The following IFTAP variants were observed in gnomAD, a reference collection of about 807,000 sequenced individuals.
The protein encoded by IFTAP is intraflagellar transport-associated protein.
A neutral mutation model predicts 19.4 loss-of-function variants in IFTAP; 19 were observed. The observed-to-expected ratio is 0.98, with a 90% CI of 0.68 to 1.44. IFTAP has a LOEUF of 1.44. Among genes scored for constraint, IFTAP ranks in the 40% most tolerant of loss-of-function variants. The pLI, the probability that IFTAP is intolerant of heterozygous loss-of-function variation, is 0.00. For missense variants in IFTAP, 240 were observed against 253.6 expected (o/e 0.95, Z 0.36); for synonymous variants, 85 against 83.5 (o/e 1.02, Z -0.10).
chr11:36,622,816 T>C (rs1400612094), intron 2 of IFTAP, among the ~76,000 whole-genome samples: 1 of 152,186 alleles, frequency 6.6e-6, no homozygotes. Context: ...ATGTAAAATA[T>C]TGTCTACAGT....
chr11:36,623,365 CA>C (rs1284911774), intron 2 of IFTAP, among the ~76,000 whole-genome samples: 2 of 151,200 alleles, frequency 1.3e-5, no homozygotes, highest in African/African-American at 4.9e-5. Context: ...CTCCCCCCCC[CA>C]CTCAAAGCAT....
intron 5 of IFTAP, among the ~76,000 whole-genome samples, chr11:36,650,148 G>C (rs1315172357): frequency 6.6e-6 from 1 of 152,138 alleles, no homozygotes; most frequent in African/African-American, 2.4e-5. Context: ...AAAGCACCCA[G>C]TGCTAGTAAA....
chr11:36,622,764 C>A (rs1852351274), intron 2 of IFTAP, among the ~76,000 whole-genome samples: 1 of 152,034 alleles, frequency 6.6e-6, no homozygotes. Context: ...AGAAAAACAT[C>A]AAGGTTAAAT....
At chr11:36,627,178 G>C (rs1253322776) in intron 2 of IFTAP, among the ~76,000 whole-genome samples, 1 of 151,188 alleles carries the variant, frequency 6.6e-6, no homozygotes, top group Non-Finnish European at 1.5e-5. Context: ...GCCTGTGGTT[G>C]GGAGTAGGAA....
chr11:36,651,383 A>G (rs1853719652), intron 5 of IFTAP, among the ~76,000 whole-genome samples: 1 of 152,102 alleles, frequency 6.6e-6, no homozygotes, highest in South Asian at 2.1e-4. Flanking sequence ...CATGTCCTTC[A>G]CCCACTTTTT....
In IFTAP at chr11:36,628,206, C is replaced by T. The variant is rs975269252; in HGVS notation, c.137-5078C>T. ...TGTAGGTCAAGTACAGAGTTTTTGT[C>T]GGGCCCTCCAAATATACCCCGTCCA... is the stretch of plus-strand genomic sequence containing the variant. On this transcript the variant is annotated intron_variant, in intron 2 of 5. Transcript: ENST00000334307. Among the ~76,000 whole-genome samples the T allele has an allele frequency of 1.3e-5, 2 of 150,924 alleles. 1 individual carries two copies. Among genetic ancestry groups the T allele is most frequent in the African/African-American group, 5.0e-5 (2 of 40,308 alleles).
chr11:36,646,840 A>G (rs940497005), intron 4 of IFTAP, among the ~76,000 whole-genome samples: 1 of 152,082 alleles, frequency 6.6e-6, no homozygotes, highest in Non-Finnish European at 1.5e-5. Context: ...GTTGGCTATT[A>G]TTATTGTTTT....
intron 2 of IFTAP, among the ~76,000 whole-genome samples, chr11:36,615,672 C>T (rs1408942350): frequency 2.2e-5 from 3 of 133,812 alleles, no homozygotes; most frequent in African/African-American, 8.8e-5. Context: ...ATTTTATTCT[C>T]TTTGAAGCAA....
intron 1 of IFTAP, among the ~76,000 whole-genome samples, chr11:36,603,461 A>C (rs1163124996): frequency 6.6e-6 from 1 of 152,158 alleles, no homozygotes; most frequent in African/African-American, 2.4e-5. Flanking sequence ...TAAGCTAAAA[A>C]AAATTATAGA....
chr11:36,599,231 T>C (rs1457828761), intron 1 of IFTAP, among the ~76,000 whole-genome samples: 1 of 152,200 alleles, frequency 6.6e-6, no homozygotes, highest in South Asian at 2.1e-4. Flanking sequence ...TGACCTTGGG[T>C]GACCCACCTG....
chr11:36,647,392 A>G (rs556832879), intron 4 of IFTAP, among the ~76,000 whole-genome samples: 1 of 152,248 alleles, frequency 6.6e-6, no homozygotes, highest in South Asian at 2.1e-4. Context: ...ATATCTGCTT[A>G]TAATGGATCA....
intron 2 of IFTAP, among the ~76,000 whole-genome samples, chr11:36,624,392 C>A (rs1020666950): frequency 6.6e-6 from 1 of 152,130 alleles, no homozygotes; most frequent in Non-Finnish European, 1.5e-5. Flanking sequence ...CTGGTATGTG[C>A]AACTTCTGGG....
intron 2 of IFTAP, among the ~76,000 whole-genome samples, chr11:36,628,260 G>A (rs968147353): frequency 2.0e-5 from 3 of 150,894 alleles, no homozygotes; most frequent in Non-Finnish European, 4.4e-5. Context: ...TGGAATAATC[G>A]GCGATTCTTA....
chr11:36,651,580 G>T (rs1192821081), intron 5 of IFTAP, among the ~76,000 whole-genome samples: 1 of 152,064 alleles, frequency 6.6e-6, no homozygotes, highest in South Asian at 2.1e-4. Flanking sequence ...GTCAATTTTG[G>T]CTTTGGTTGC....
rs115390740 is a variant in IFTAP, at chr11:36,622,712, G to A, written c.137-10572G>A. Among the ~76,000 whole-genome samples the A allele has an allele frequency of 6.2e-3, 949 of 152,232 alleles. 10 individuals carry two copies. Among genetic ancestry groups the A allele is most frequent in the African/African-American group, 0.022 (920 of 41,534 alleles). ...GTAAATTTTAAAGACTTACTCATGT[G>A]TAAAGTTTTATGATTGGGGTTCTAT... On this transcript the variant is annotated intron_variant, in intron 2 of 5. Transcript: ENST00000334307.
intron 5 of IFTAP, among the ~76,000 whole-genome samples, chr11:36,658,272 C>T (rs1299132511): frequency 6.6e-6 from 1 of 152,054 alleles, no homozygotes; most frequent in Non-Finnish European, 1.5e-5. Flanking sequence ...TTTGGAGAGG[C>T]TTTTTAGGGG....
chr11:36,638,712 G>A (rs749651836), intron 4 of IFTAP, among the ~76,000 whole-genome samples: 1 of 152,164 alleles, frequency 6.6e-6, no homozygotes, highest in Admixed American at 6.5e-5. Context: ...GCAGCTGGGA[G>A]GTTTACTGAT....
intron 4 of IFTAP, among the ~76,000 whole-genome samples, chr11:36,642,850 A>T (rs1173902187): frequency 2.6e-5 from 4 of 152,200 alleles, no homozygotes; most frequent in Non-Finnish European, 4.4e-5. Flanking sequence ...TATTGATGGG[A>T]CATATCTCAA....
At chr11:36,598,587 G>C (rs751908281) in intron 1 of IFTAP, among the ~76,000 whole-genome samples, 1 of 152,170 alleles carries the variant, frequency 6.6e-6, no homozygotes, top group Non-Finnish European at 1.5e-5. Context: ...TAACTTTGAG[G>C]TACTCTTTTG....
Sources: allele counts gnomAD v4.1 joint callset (sites outside exome capture counted in the v4.1 genomes callset), GRCh38; gene constraint gnomAD v4.1.1; transcripts MANE v1.5; gene names NCBI Gene and HGNC (gene_info 2026-07-23, HGNC 2026-07-21).